Variants in RPS6KC1 observed in about 807,000 individuals in gnomAD.
RPS6KC1 encodes ribosomal protein S6 kinase C1.
A neutral mutation model predicts 103.8 loss-of-function variants in RPS6KC1; 54 were observed. The ratio of observed to expected loss-of-function variants is 0.52; its 90% CI spans 0.42 to 0.65. The LOEUF (loss-of-function observed/expected upper bound fraction) is 0.65. RPS6KC1 is among the 30% of genes least tolerant of loss of function. RPS6KC1 has a pLI of 0.00. For missense variants in RPS6KC1, 1,151 were observed against 1,253.8 expected, an observed-to-expected ratio of 0.92 and a Z score of 1.24; for synonymous variants, 439 against 438.7, an observed-to-expected ratio of 1.00 and a Z score of -0.01.
At chr1:213,253,728 T>C (rs1477495468) in intron 12 of RPS6KC1, among the ~76,000 whole-genome samples, 1 of 152,154 alleles carries the variant, frequency 6.6e-6, no homozygotes, top group African/African-American at 2.4e-5. Context: ...AATCACATAG[T>C]CTCTCCAATG....
chr1:213,289,455 A>G, the RPS6KC1 span, among the ~76,000 whole-genome samples: 1 of 152,180 alleles, frequency 6.6e-6, no homozygotes, highest in Non-Finnish European at 1.5e-5. Context: ...AAAAGCAGCA[A>G]GTGAAACGGA....
the RPS6KC1 span, among the ~76,000 whole-genome samples, chr1:213,797,696 C>T: frequency 5.3e-5 from 8 of 152,204 alleles, no homozygotes; most frequent in Admixed American, 5.2e-4. Context: ...CTGGTTGCTG[C>T]CTTGATCACC....
chr1:213,107,049 C>T (rs369496466), intron 4 of RPS6KC1, among the ~76,000 whole-genome samples: 9 of 152,234 alleles, frequency 5.9e-5, no homozygotes, highest in African/African-American at 2.2e-4. Context: ...TCAAGCTATT[C>T]TCCTGCCTCG....
chr1:213,860,643 A>G, the RPS6KC1 span, among the ~76,000 whole-genome samples: 1 of 152,116 alleles, frequency 6.6e-6, no homozygotes, highest in African/African-American at 2.4e-5. Flanking sequence ...GCAAGGGGAC[A>G]GAGTCAGGAA....
chr1:213,122,378 C>G (rs1045014669), intron 5 of RPS6KC1, among the ~76,000 whole-genome samples: 6 of 152,082 alleles, frequency 3.9e-5, no homozygotes, highest in African/African-American at 1.4e-4. Context: ...TGAAAAAAAT[C>G]TGTATCGAAA....
At chr1:213,741,015 C>CACATATATATATCTCAGATATATATAT in the RPS6KC1 span, among the ~76,000 whole-genome samples, 1 of 147,118 alleles carries the variant, frequency 6.8e-6, no homozygotes, top group South Asian at 2.1e-4. Context: ...GATATATATA[C>CACATATATATATCTCAGATATATATAT]ACACACATAT....
chr1:213,140,890 C>T (rs1287102864), intron 6 of RPS6KC1, among the ~76,000 whole-genome samples: 4 of 137,286 alleles, frequency 2.9e-5, no homozygotes, highest in Admixed American at 7.3e-5. Flanking sequence ...ATTGGTACCT[C>T]CTCATTTTTT....
At chr1:213,462,082 C>T in the RPS6KC1 span, among the ~76,000 whole-genome samples, 2 of 151,890 alleles carry the variant, frequency 1.3e-5, no homozygotes, top group African/African-American at 2.4e-5. Flanking sequence ...AAGAAAAAAC[C>T]CCATCAAAAA....
chr1:213,630,084 G>A, the RPS6KC1 span, among the ~76,000 whole-genome samples: 1 of 152,166 alleles, frequency 6.6e-6, no homozygotes, highest in Admixed American at 6.6e-5. Flanking sequence ...TTCTCAAGGA[G>A]TATCTTTGTG....
chr1:213,345,624 A>G, the RPS6KC1 span, among the ~76,000 whole-genome samples: 1 of 152,238 alleles, frequency 6.6e-6, no homozygotes, highest in African/African-American at 2.4e-5. Context: ...GTTTGCCTTA[A>G]CTTCTAGGGA....
chr1:213,799,908 G>A, the RPS6KC1 span, among the ~76,000 whole-genome samples: 4 of 152,152 alleles, frequency 2.6e-5, no homozygotes, highest in Admixed American at 2.6e-4. Flanking sequence ...CAAAGTTCTG[G>A]GAATTAAGGT....
At chr1:213,851,651 C>T in the RPS6KC1 span, among the ~76,000 whole-genome samples, 1 of 152,182 alleles carries the variant, frequency 6.6e-6, no homozygotes, top group Admixed American at 6.5e-5. Context: ...TTAAATCTCA[C>T]ACTGTCTACT....
chr1:213,142,883 C>T (rs923883129), intron 6 of RPS6KC1, among the ~76,000 whole-genome samples: 1 of 152,014 alleles, frequency 6.6e-6, no homozygotes, highest in African/African-American at 2.4e-5. Flanking sequence ...ATTATATGCA[C>T]CGGGAAACAG....
intron 2 of RPS6KC1, among the ~76,000 whole-genome samples, chr1:213,076,452 C>G (rs1387412226): frequency 1.3e-5 from 2 of 152,070 alleles, no homozygotes; most frequent in African/African-American, 4.8e-5. Flanking sequence ...ATATGAAAAA[C>G]TTGTTAGAAA....
the RPS6KC1 span, among the ~76,000 whole-genome samples, chr1:213,402,453 C>T: frequency 7.2e-6 from 1 of 139,586 alleles, no homozygotes; most frequent in African/African-American, 2.6e-5. Flanking sequence ...CCATAACTTA[C>T]CTGTTGCACA....
At chr1:213,202,061 G>A (rs957678293) in intron 8 of RPS6KC1, among the ~76,000 whole-genome samples, 6 of 152,226 alleles carry the variant, frequency 3.9e-5, no homozygotes, top group Non-Finnish European at 2.9e-5. Context: ...CAGACAGTTT[G>A]CAGATAAAAA....
chr1:213,065,295 A>G (rs1353821310), intron 1 of RPS6KC1, among the ~76,000 whole-genome samples: 2 of 152,150 alleles, frequency 1.3e-5, no homozygotes, highest in Non-Finnish European at 2.9e-5. Flanking sequence ...TTTTAATGAA[A>G]ACAGTCACTG....
the RPS6KC1 span, among the ~76,000 whole-genome samples, chr1:213,328,976 G>A: frequency 6.6e-6 from 1 of 152,210 alleles, no homozygotes; most frequent in South Asian, 2.1e-4. Context: ...CAACTGCTAC[G>A]AGTTCCGTCT....
chr1:213,647,434 A>G, the RPS6KC1 span, among the ~76,000 whole-genome samples: 2 of 152,218 alleles, frequency 1.3e-5, no homozygotes, highest in Non-Finnish European at 2.9e-5. Flanking sequence ...CAGAAATAAT[A>G]TGAGTGAATT....
Sources: gnomAD v4.1 joint callset for allele counts (sites outside exome capture counted in the v4.1 genomes callset) on GRCh38, gnomAD v4.1.1 for gene constraint, MANE v1.5 for transcripts, NCBI Gene and HGNC (gene_info 2026-07-23, HGNC 2026-07-21) for gene names.